Variants in HAUS2 observed in about 807,000 individuals in gnomAD.
HAUS2 encodes the protein HAUS augmin like complex subunit 2.
In HAUS2, 20 loss-of-function variants were observed where a neutral mutation model predicts 21.6. The observed-to-expected ratio is 0.93, with a 90% CI of 0.65 to 1.35. The LOEUF (loss-of-function observed/expected upper bound fraction) is 1.35, where lower values mean the gene tolerates loss of function less well. Among genes scored for constraint, HAUS2 ranks in the 40% most tolerant of loss-of-function variants. The pLI is 0.00. For synonymous variants in HAUS2, 113 were observed against 95.6 expected (o/e 1.18, Z -1.06); for missense variants, 297 against 280.7 (o/e 1.06, Z -0.42).
In HAUS2 at chr15:42,559,418, T is replaced by C. The variant is rs368140825; in HGVS notation, c.256+10T>C. ...CATCCTTTCTTTTTGGGTAAGTGGT[T>C]TGGTTAAGTGGATAATCACTGGAAT... On this transcript the variant is annotated intron_variant, in intron 3 of 5. Transcript: ENST00000260372. The C allele has an allele frequency of 1.3e-6, 2 of 1,528,556 alleles. No homozygotes were observed. Among genetic ancestry groups the C allele is most frequent in the Non-Finnish European group, 1.8e-6 (2 of 1,102,184 alleles). 94.7% of individuals were successfully genotyped at this position (1,528,556 alleles called of 1,614,324 possible).
chr15:42,563,791 G>A lies in HAUS2; in HGVS notation c.432G>A (p.Glu144=), dbSNP rs779299630. Residue 144 remains glutamate (E), a synonymous_variant, in exon 5 of 6, where the codon GAG becomes GAA. Coordinates refer to ENST00000260372, the MANE Select transcript of HAUS2 (RefSeq NM_018097.3). ...HLLELAVTFI[E]RLETHLETIR... ...TGGAGTTGGCTGTGACTTTCATTGA[G>A]AGATTAGAAACCCACCTTGAAACAA... 1 of 1,583,976 alleles carries A rather than the reference G, an allele frequency of 6.3e-7. No homozygotes were observed. The highest frequency in any genetic ancestry group is 1.7e-5 in the Admixed American group (1 of 57,756).
At chr15:42,556,048 G>T (rs2057769827) in intron 1 of HAUS2, among the ~76,000 whole-genome samples, 1 of 151,566 alleles carries the variant, frequency 6.6e-6, no homozygotes, top group African/African-American at 2.4e-5. Flanking sequence ...CCAGGTTCAA[G>T]CAATTCTCCT....
chr15:42,566,836 T>A lies in HAUS2; in HGVS notation c.*20T>A. Reference sequence around the variant, plus strand: ...AAGTAGTCATCAACTTTATTTTTGCTTAATTATGTGTAGTCATATGAAGTC... The same window carrying A: ...AAGTAGTCATCAACTTTATTTTTGCATAATTATGTGTAGTCATATGAAGTC... On this transcript the variant is annotated 3_prime_UTR_variant, in exon 6 of 6. Coordinates refer to ENST00000260372, the MANE Select transcript of HAUS2 (RefSeq NM_018097.3). 1.7e-6 allele frequency: 2 copies of A among 1,187,984 alleles called. No individual in the cohort carries two copies. Among genetic ancestry groups the A allele is most frequent in the Non-Finnish European group, 2.5e-6 (2 of 794,216 alleles). The allele number at this position is 1,187,984 out of a possible 1,614,324, so 73.6% of individuals were successfully genotyped here.
intron 4 of HAUS2, 44 bp downstream of exon 4, chr15:42,561,446 A>G: frequency 6.5e-6 from 9 of 1,392,920 alleles, no homozygotes; most frequent in Non-Finnish European, 9.1e-6. Flanking sequence ...CTGTTTTCTG[A>G]GTTTACTTTT....
At chr15:42,549,022 G>A in intron 1 of HAUS2, 57 bp downstream of exon 1, 1 of 1,103,510 alleles carries the variant, frequency 9.1e-7, no homozygotes, top group Middle Eastern at 2.0e-4. Flanking sequence ...CAACAATATG[G>A]CTGTGAGTTG....
chr15:42,556,216 C>T lies in HAUS2; in HGVS notation c.94-1982C>T, dbSNP rs189470683. ...ACCTCAGGTAATCCACTTGCCATGG[C>T]CTCCCAAAATGTTGGGATTACAGGT... On this transcript the variant is annotated intron_variant, in intron 1 of 5. Coordinates refer to ENST00000260372, the MANE Select transcript of HAUS2 (RefSeq NM_018097.3). Among the ~76,000 whole-genome samples, 10 of 149,336 alleles carry T rather than the reference C, an allele frequency of 6.7e-5. No homozygotes were observed. The East Asian group carries it at 2.0e-3, about 29-fold the overall frequency.
intron 4 of HAUS2, 52 bp from the exon 5 acceptor site, chr15:42,563,697 C>T (rs1039437434): frequency 3.4e-5 from 30 of 888,164 alleles, no homozygotes; most frequent in Admixed American, 7.2e-5. Flanking sequence ...AGAAAAGGAA[C>T]GTAAAACAAT....
At chr15:42,555,549 T>G (rs535043913) in intron 1 of HAUS2, among the ~76,000 whole-genome samples, 1 of 152,348 alleles carries the variant, frequency 6.6e-6, no homozygotes, top group South Asian at 2.1e-4. Flanking sequence ...TATGATTATG[T>G]TGGAGACTAT....
rs769888858 is a variant in HAUS2 at position 42,548,884 on chromosome 15, C to G, written c.12C>G (p.Ala4=). The change falls in exon 1 of 6, where the codon GCC becomes GCG. Residue 4 remains alanine (A), a synonymous_variant. Transcript: ENST00000260372. MAA[A]NPWDPASAPN... is the part of the protein sequence containing the mutation. ...GGTGCGTCCGAGCCATGGCCGCTGC[C>G]AACCCGTGGGACCCGGCGTCCGCGC... 1.9e-6 allele frequency: 3 copies of G among 1,549,930 alleles called. No individual in the cohort carries two copies. In the African/African-American group the frequency reaches 4.1e-5, roughly 21 times the overall value.
In HAUS2 at chr15:42,559,428, G is replaced by T; in HGVS notation, c.256+20G>T. 1 of 1,419,544 alleles carries T rather than the reference G, an allele frequency of 7.0e-7. No individual in the cohort carries two copies. Among genetic ancestry groups the T allele is most frequent in the Non-Finnish European group, 1.0e-6 (1 of 1,003,514 alleles). 87.9% of individuals were successfully genotyped at this position (1,419,544 alleles called of 1,614,324 possible). Reference sequence around the variant, plus strand: ...TTTTGGGTAAGTGGTTTGGTTAAGTGGATAATCACTGGAATTTCAACTTTT... The same window carrying T: ...TTTTGGGTAAGTGGTTTGGTTAAGTTGATAATCACTGGAATTTCAACTTTT... On this transcript the variant is annotated intron_variant, in intron 3 of 5. Coordinates refer to ENST00000260372, the MANE Select transcript of HAUS2 (RefSeq NM_018097.3).
intron 5 of HAUS2, among the ~76,000 whole-genome samples, chr15:42,565,485 A>G (rs550649012): frequency 6.6e-6 from 1 of 151,278 alleles, no homozygotes; most frequent in African/African-American, 2.4e-5. Flanking sequence ...AACTGCCTTA[A>G]TCATGGAGAA....
rs530097064 is a variant in HAUS2, at chr15:42,567,261, C to T, written c.*445C>T. 3.0e-5 allele frequency: 5 copies of T among 167,630 alleles called. No homozygotes were observed. In the South Asian group the frequency reaches 7.5e-4, roughly 25 times the overall value. 10.4% of individuals were successfully genotyped at this position (167,630 alleles called of 1,614,324 possible). On this transcript the variant is annotated 3_prime_UTR_variant, in exon 6 of 6. Transcript: ENST00000260372. ...CAAAATAAACAAAAAATTAGCCGACCATGGTGGTGCATGCCTGTAGTCCCA... is the reference window on the plus strand; with the variant it reads ...CAAAATAAACAAAAAATTAGCCGACTATGGTGGTGCATGCCTGTAGTCCCA...
At chr15:42,555,728 A>T (rs1361129411) in intron 1 of HAUS2, among the ~76,000 whole-genome samples, 3 of 152,120 alleles carry the variant, frequency 2.0e-5, no homozygotes, top group Non-Finnish European at 2.9e-5. Context: ...TATTTCGTTG[A>T]CTAACTCAGT....
In HAUS2 at chr15:42,568,804, T is replaced by TA. The variant is rs1449626056; in HGVS notation, c.*1988_*1989insA. 6.6e-6 allele frequency: 1 copy of TA among 152,252 alleles called. No individual in the cohort carries two copies. Among genetic ancestry groups the TA allele is most frequent in the Non-Finnish European group, 1.5e-5 (1 of 68,038 alleles). The allele number at this position is 152,252 out of a possible 1,614,324, so 9.4% of individuals were successfully genotyped here. On this transcript the variant is annotated 3_prime_UTR_variant, in exon 6 of 6. Coordinates refer to ENST00000260372, the MANE Select transcript of HAUS2 (RefSeq NM_018097.3). Reference sequence around the variant, plus strand: ...GGTGGAATGAAACAACAGATATGTGTGACTCCACTGTTAGAGGACTCTGGA... The same window carrying TA: ...GGTGGAATGAAACAACAGATATGTGTAGACTCCACTGTTAGAGGACTCTGGA...
rs942411152 is a variant in HAUS2 at position 42,549,030 on chromosome 15, T to C, written c.93+65T>C. 5.8e-6 allele frequency: 6 copies of C among 1,026,864 alleles called. No individual in the cohort carries two copies. The African/African-American group carries it at 6.4e-5, about 11-fold the overall frequency. The allele number at this position is 1,026,864 out of a possible 1,614,324, so 63.6% of individuals were successfully genotyped here. Reference sequence around the variant, plus strand: ...AAGGTGGCAACAATATGGCTGTGAGTTGGTGCTGCTGGCTGTGGGAGTGGT... The same window carrying C: ...AAGGTGGCAACAATATGGCTGTGAGCTGGTGCTGCTGGCTGTGGGAGTGGT... On this transcript the variant is annotated intron_variant, in intron 1 of 5. Coordinates refer to ENST00000260372, the MANE Select transcript of HAUS2 (RefSeq NM_018097.3).
chr15:42,559,990 C>CA (rs778576271), intron 3 of HAUS2, among the ~76,000 whole-genome samples: 14 of 151,618 alleles, frequency 9.2e-5, no homozygotes, highest in South Asian at 2.1e-4. Flanking sequence ...CCTATCTCTA[C>CA]AAAAAAAATA....
intron 4 of HAUS2, among the ~76,000 whole-genome samples, chr15:42,562,682 C>T (rs1011096864): frequency 7.2e-5 from 11 of 152,228 alleles, no homozygotes; most frequent in African/African-American, 2.4e-4. Context: ...TATTGTACTA[C>T]ATCTAAGAAC....
intron 1 of HAUS2, among the ~76,000 whole-genome samples, chr15:42,551,508 G>T (rs2057724886): frequency 6.6e-6 from 1 of 152,010 alleles, no homozygotes; most frequent in African/African-American, 2.4e-5. Context: ...GGGTATAGTG[G>T]TAGGTGCCTG....
At chr15:42,564,067 A>G (rs943459418) in intron 5 of HAUS2, among the ~76,000 whole-genome samples, 1 of 152,036 alleles carries the variant, frequency 6.6e-6, no homozygotes, top group African/African-American at 2.4e-5. Flanking sequence ...GGAGTTGGAG[A>G]CCAGCCTGGC....
Sources: gnomAD v4.1 joint callset for allele counts (sites outside exome capture counted in the v4.1 genomes callset) on GRCh38, gnomAD v4.1.1 for gene constraint, MANE v1.5 for transcripts, NCBI Gene and HGNC (gene_info 2026-07-23, HGNC 2026-07-21) for gene names.